RASA3: variants seen among roughly 807,000 people sequenced by gnomAD.
The protein encoded by RASA3 is RAS p21 protein activator 3, also known as ras GTPase-activating protein 3.
In RASA3, 73 loss-of-function variants were observed where a neutral mutation model predicts 110.0. The observed-to-expected ratio is 0.66, with a 90% CI of 0.55 to 0.81. The LOEUF is 0.81. Among genes scored for constraint, RASA3 ranks in the 30% least tolerant of loss-of-function variants. The pLI, the probability that RASA3 is intolerant of heterozygous loss-of-function variation, is 0.00. For synonymous variants in RASA3, 500 were observed against 451.4 expected (o/e 1.11, Z -1.37); for missense variants, 976 against 1,113.2 (o/e 0.88, Z 1.75).
chr13:113,999,546 C>A (rs1423934760), intron 20 of RASA3, 39 bp downstream of exon 20: 2 of 1,557,180 alleles, frequency 1.3e-6, no homozygotes, highest in African/African-American at 2.7e-5. Flanking sequence ...CCTGGCCAGG[C>A]CTCAACCCGA....
intron 2 of RASA3, among the ~76,000 whole-genome samples, chr13:114,052,678 G>C (rs1393031178): frequency 1.3e-5 from 2 of 151,690 alleles, no homozygotes; most frequent in Non-Finnish European, 1.5e-5. Flanking sequence ...CCTCGCTCCT[G>C]GGGGAGAGGC....
At chr13:114,132,321 C>T (rs1418772923) in intron 1 of RASA3, 114 bp downstream of exon 1, 1 of 1,154,380 alleles carries the variant, frequency 8.7e-7, no homozygotes, top group African/African-American at 1.6e-5. Context: ...CGCGCCGCGC[C>T]TGGAGGGCGT....
At chr13:114,046,351 G>A (rs1313820313) in intron 3 of RASA3, among the ~76,000 whole-genome samples, 1 of 152,198 alleles carries the variant, frequency 6.6e-6, no homozygotes, top group Non-Finnish European at 1.5e-5. Context: ...GGCAGTGGCA[G>A]CTCTGAAACT....
At chr13:114,128,758 C>A (rs2080481723) in intron 1 of RASA3, among the ~76,000 whole-genome samples, 1 of 152,206 alleles carries the variant, frequency 6.6e-6, no homozygotes, top group Admixed American at 6.5e-5. Context: ...AGGCACTGAG[C>A]CCAGAGGAGA....
chr13:114,009,939 G>C (rs928407569), intron 16 of RASA3, among the ~76,000 whole-genome samples: 1 of 152,222 alleles, frequency 6.6e-6, no homozygotes, highest in South Asian at 2.1e-4. Flanking sequence ...GGGATTCGGG[G>C]GGGCCTTTGC....
chr13:114,007,823 C>T (rs1390003046), intron 17 of RASA3, among the ~76,000 whole-genome samples: 10 of 152,330 alleles, frequency 6.6e-5, no homozygotes, highest in South Asian at 4.1e-4. Context: ...GGTGAGAGGC[C>T]GGGCTCAGGC....
intron 1 of RASA3, among the ~76,000 whole-genome samples, chr13:114,129,597 T>C (rs539757698): frequency 3.3e-5 from 5 of 152,128 alleles, no homozygotes; most frequent in Non-Finnish European, 7.3e-5. Context: ...CCCCCAGAAA[T>C]GTGCTGGCTT....
At chr13:114,020,029 T>G (rs373645255) in intron 9 of RASA3, among the ~76,000 whole-genome samples, 23 of 22,328 alleles carry the variant, frequency 1.0e-3, no homozygotes, top group Non-Finnish European at 1.2e-3. Context: ...TTAGCAGCCC[T>G]GTCAGGTGGG....
At chr13:114,058,438 T>C (rs1425523553) in intron 2 of RASA3, among the ~76,000 whole-genome samples, 4 of 152,238 alleles carry the variant, frequency 2.6e-5, no homozygotes, top group Non-Finnish European at 5.9e-5. Context: ...CACCAGCCCG[T>C]GACTTGTGGT....
At chr13:114,117,754 A>ATGTGTGTGAGGGG (rs2080311439) in intron 1 of RASA3, among the ~76,000 whole-genome samples, 1 of 46,534 alleles carries the variant, frequency 2.1e-5, no homozygotes, top group African/African-American at 6.5e-5. Context: ...TGTGTGAGGG[A>ATGTGTGTGAGGGG]TGCACGTGTG....
intron 1 of RASA3, among the ~76,000 whole-genome samples, chr13:114,094,965 C>A (rs945939127): frequency 3.3e-5 from 5 of 152,216 alleles, no homozygotes; most frequent in Non-Finnish European, 7.3e-5. Flanking sequence ...TACATCTCAG[C>A]TCAACAGAAC....
At position 114,011,252 on chromosome 13, in the gene RASA3, G is replaced by C; in HGVS notation, c.1513-4C>G. On this transcript the variant is annotated splice_region_variant and splice_polypyrimidine_tract_variant and intron_variant, in intron 15 of 23. Transcript: ENST00000334062. This position sits in a 1 kb window ranked among gnomAD's most constrained non-coding sequence, Gnocchi z 4.8. The stretch of plus-strand genomic sequence containing the variant: ...GCGTCCTGGACGTCTGGGGGTCCTG[G>C]GGAGGCGGGAGCAAGAAAGGTCTAT... 6.2e-7 allele frequency: 1 copy of C among 1,610,842 alleles called. No homozygotes were observed. The highest frequency in any genetic ancestry group is 1.1e-5 in the South Asian group (1 of 90,218).
Position 113,999,622 on chromosome 13 carries a change from A to G in RASA3, c.1895T>C (p.Val632Ala). The G allele has an allele frequency of 6.2e-7, 1 of 1,612,594 alleles. No individual in the cohort carries two copies. Among genetic ancestry groups the G allele is most frequent in the Non-Finnish European group, 8.5e-7 (1 of 1,179,548 alleles). The change falls in exon 20 of 24, where the codon GTG becomes GCG. Residue 632 changes from valine to alanine, a missense_variant. This residue lies in a region of RASA3 where 109 missense variants were observed against 162.5 expected (regional missense o/e 0.67). Coordinates refer to ENST00000334062, the MANE Select transcript of RASA3 (RefSeq NM_007368.4). ...GAAAGACTCCTCCTCCAGCTTCTCC[A>G]CTGCCAGGATGTTCTCGATGGGAAT... The part of the protein sequence containing the change: ...YSIPIENILA[V>A]EKLEEESFKM...
intron 2 of RASA3, among the ~76,000 whole-genome samples, chr13:114,071,262 T>A (rs2079568782): frequency 6.6e-6 from 1 of 152,148 alleles, no homozygotes; most frequent in African/African-American, 2.4e-5. Context: ...GGATTACAGG[T>A]GTGAGCCACC....
chr13:114,022,175 C>T (rs746287126), intron 8 of RASA3, among the ~76,000 whole-genome samples: 16 of 152,258 alleles, frequency 1.1e-4, no homozygotes, highest in Admixed American at 2.6e-4. Flanking sequence ...CACGAATCTC[C>T]GTGACTACCG....
chr13:113,999,760 AG>A (rs1393267232), intron 19 of RASA3, 93 bp from the exon 20 acceptor site: 3 of 426,872 alleles, frequency 7.0e-6, no homozygotes, highest in Non-Finnish European at 7.5e-6. Context: ...GGGGTCTCCC[AG>A]GGGGTCTTTA....
chr13:114,033,219 C>CCACACTGACACCATGCCCCACGGCACCCT (rs2054210481), intron 4 of RASA3, among the ~76,000 whole-genome samples: 1 of 71,102 alleles, frequency 1.4e-5, no homozygotes, highest in Non-Finnish European at 2.9e-5. Context: ...CACAGCACCC[C>CCACACTGACACCATGCCCCACGGCACCCT]CACACTTGAC....
Position 114,024,264 on chromosome 13 carries a change from G to A in RASA3, c.680+15C>T, listed in dbSNP as rs773465757. 2 of 1,613,170 alleles carry A rather than the reference G, an allele frequency of 1.2e-6. No individual in the cohort carries two copies. Among genetic ancestry groups the A allele is most frequent in the Non-Finnish European group, 1.7e-6 (2 of 1,179,176 alleles). On this transcript the variant is annotated intron_variant, in intron 8 of 23. Coordinates refer to ENST00000334062, the MANE Select transcript of RASA3 (RefSeq NM_007368.4). Reference sequence around the variant, plus strand: ...AAAACTGCCAAGTTGGGGACGCGGAGCCTGGTTTTCTCACCTGATTTCGAG... The same window carrying A: ...AAAACTGCCAAGTTGGGGACGCGGAACCTGGTTTTCTCACCTGATTTCGAG...
chr13:114,107,491 A>T (rs1397918941), intron 1 of RASA3: 1 of 152,384 alleles, frequency 6.6e-6, no homozygotes, highest in Non-Finnish European at 1.5e-5. Flanking sequence ...GTCCTGTCTG[A>T]GGGCTGGGCT....
Sources: gnomAD v4.1 joint callset for allele counts (sites outside exome capture counted in the v4.1 genomes callset) on GRCh38, gnomAD v4.1.1 for gene constraint, gnomAD v4.1.1 regional missense constraint, Gnocchi (gnomAD v3.1) non-coding constraint, MANE v1.5 for transcripts, NCBI Gene and HGNC (gene_info 2026-07-23, HGNC 2026-07-21) for gene names.